SYT1: variants seen among roughly 807,000 people sequenced by gnomAD.
SYT1 encodes the protein synaptotagmin-1.
Under a neutral mutation model 44.8 loss-of-function variants are expected in SYT1, and 8 were observed. The ratio of observed to expected loss-of-function variants is 0.18; its 90% confidence interval spans 0.10 to 0.32. The LOEUF (loss-of-function observed/expected upper bound fraction) is 0.32, where lower values mean the gene tolerates loss of function less well. Among genes scored for constraint, SYT1 ranks in the 10% least tolerant of loss-of-function variants. The pLI is 1.00. For missense variants in SYT1, 286 were observed against 509.3 expected (o/e 0.56, Z 4.22); for synonymous variants, 154 against 188.8 (o/e 0.82, Z 1.51).
At chr12:79,033,729 A>G (rs1469413616) in intron 2 of SYT1, among the ~76,000 whole-genome samples, 3 of 151,382 alleles carry the variant, frequency 2.0e-5, no homozygotes, top group African/African-American at 7.3e-5. Context: ...AATTTTTAAA[A>G]ATTTTACTTC....
intron 6 of SYT1, among the ~76,000 whole-genome samples, chr12:79,294,669 T>TTATA (rs1363360039): frequency 6.6e-6 from 1 of 152,116 alleles, no homozygotes; most frequent in East Asian, 1.9e-4. Flanking sequence ...AGAAAATTGG[T>TTATA]TATAAAAAGT....
intron 3 of SYT1, among the ~76,000 whole-genome samples, chr12:79,159,493 C>T (rs537331387): frequency 1.3e-5 from 2 of 152,108 alleles, no homozygotes; most frequent in Admixed American, 1.3e-4. Context: ...GAGAGATAGA[C>T]CATGTTCATG....
At chr12:79,142,277 C>T (rs566929373) in intron 3 of SYT1, among the ~76,000 whole-genome samples, 1 of 152,314 alleles carries the variant, frequency 6.6e-6, no homozygotes, top group South Asian at 2.1e-4. Flanking sequence ...AGCGTCTCAC[C>T]TTCACTACTA....
chr12:79,041,279 T>C (rs940616360), intron 2 of SYT1, among the ~76,000 whole-genome samples: 90 of 152,306 alleles, frequency 5.9e-4, no homozygotes, highest in African/African-American at 2.0e-3. Flanking sequence ...TTCCATTTGT[T>C]TGTATCCTCT....
chr12:79,015,812 A>C (rs1871769132), intron 2 of SYT1, among the ~76,000 whole-genome samples: 1 of 152,144 alleles, frequency 6.6e-6, no homozygotes, highest in Admixed American at 6.6e-5. Context: ...TATTTAATGT[A>C]TTCTGCTAGT....
intron 2 of SYT1, among the ~76,000 whole-genome samples, chr12:79,028,953 G>C (rs1020526959): frequency 1.2e-4 from 18 of 151,212 alleles, no homozygotes; most frequent in African/African-American, 4.4e-4. Context: ...AATATTCTAA[G>C]AGCATTATTT....
chr12:79,421,245 C>G (rs1280395081), intron 9 of SYT1, among the ~76,000 whole-genome samples: 1 of 152,084 alleles, frequency 6.6e-6, no homozygotes, highest in Non-Finnish European at 1.5e-5. Context: ...GAATTGATTG[C>G]TATTTTGAGT....
intron 8 of SYT1, among the ~76,000 whole-genome samples, chr12:79,350,844 G>A (rs1882867976): frequency 1.3e-5 from 2 of 152,158 alleles, no homozygotes; most frequent in South Asian, 4.1e-4. Flanking sequence ...TTCTGGAAAT[G>A]AGTTTTTCTC....
rs931258939 is a variant in SYT1 at position 79,000,291 on chromosome 12, T to G, written c.-84+22360T>G. ...TTTAGAATTGCCTTAACTGCTTCTT[T>G]TTTTTTTTTTTTTTTTTTTGTGACA... On this transcript the variant is annotated intron_variant, in intron 2 of 10. Coordinates refer to ENST00000261205, the MANE Select transcript of SYT1 (RefSeq NM_005639.3). 6.3e-5 allele frequency among the ~76,000 whole-genome samples: 8 copies of G among 127,330 alleles called. No homozygotes were observed. The East Asian group carries it at 1.9e-3, about 30-fold the overall frequency. The allele number at this position is 127,330 out of a possible 152,430, so 83.5% of individuals were successfully genotyped here. A position where few individuals can be genotyped will look rare whatever the true frequency, so the allele number is the denominator to read the frequency against.
chr12:79,449,121 G>A lies in SYT1; in HGVS notation c.1266G>A (p.Lys422=). The change falls in exon 11 of 11, where the codon AAG becomes AAA. Residue 422 remains lysine (K), a synonymous_variant. Coordinates refer to ENST00000261205, the MANE Select transcript of SYT1 (RefSeq NM_005639.3). ...EEVDAMLAVK[K] is the part of the protein sequence containing the mutation. Reference sequence around the variant, plus strand: ...TTGATGCCATGCTGGCCGTCAAGAAGTAAAGGAAAGAAGAAGCCTTTCTGC... The same window carrying A: ...TTGATGCCATGCTGGCCGTCAAGAAATAAAGGAAAGAAGAAGCCTTTCTGC... 3 of 1,605,552 alleles carry A rather than the reference G, an allele frequency of 1.9e-6. No individual in the cohort carries two copies. The highest frequency in any genetic ancestry group is 2.6e-6 in the Non-Finnish European group (3 of 1,175,400).
intron 2 of SYT1, among the ~76,000 whole-genome samples, chr12:79,001,763 G>A (rs1227205511): frequency 1.3e-5 from 2 of 152,170 alleles, no homozygotes; most frequent in Admixed American, 6.5e-5. Context: ...TCAAAGTGAT[G>A]CAGATTTTAA....
intron 2 of SYT1, among the ~76,000 whole-genome samples, chr12:78,996,592 C>T (rs545439048): frequency 6.6e-6 from 1 of 152,296 alleles, no homozygotes; most frequent in Admixed American, 6.5e-5. Flanking sequence ...CACATTGACA[C>T]TGTTACCTAT....
chr12:79,274,143 G>A (rs1878584184), intron 4 of SYT1, among the ~76,000 whole-genome samples: 1 of 152,216 alleles, frequency 6.6e-6, no homozygotes, highest in Non-Finnish European at 1.5e-5. Context: ...CTAATCTCAA[G>A]TGGGGATGAA....
chr12:79,040,588 A>T (rs1339838433), intron 2 of SYT1, among the ~76,000 whole-genome samples: 1 of 151,860 alleles, frequency 6.6e-6, no homozygotes, highest in Non-Finnish European at 1.5e-5. Flanking sequence ...GTTCACTCTG[A>T]TGGTAGTTTC....
intron 8 of SYT1, among the ~76,000 whole-genome samples, chr12:79,300,789 T>TTATATATATATATATATA (rs56934430): frequency 1.5e-3 from 134 of 89,558 alleles, no homozygotes; most frequent in Non-Finnish European, 2.2e-3. Context: ...TGTATACTTA[T>TTATATATATATATATATA]TATATATATA....
chr12:79,373,613 C>T (rs1353680365), intron 9 of SYT1, among the ~76,000 whole-genome samples: 2 of 152,086 alleles, frequency 1.3e-5, no homozygotes, highest in African/African-American at 2.4e-5. Flanking sequence ...AAAAAAATGC[C>T]TCACAAATGC....
intron 9 of SYT1, among the ~76,000 whole-genome samples, chr12:79,383,604 T>C (rs2136077669): frequency 6.6e-6 from 1 of 152,312 alleles, no homozygotes; most frequent in African/African-American, 2.4e-5. Context: ...TTTGTTGTTG[T>C]CCCTTGCAGA....
chr12:79,193,772 G>T (rs1424198411), intron 3 of SYT1, among the ~76,000 whole-genome samples: 1 of 152,040 alleles, frequency 6.6e-6, no homozygotes, highest in African/African-American at 2.4e-5. Context: ...TTCAATACAT[G>T]AAAAATGGAT....
chr12:79,065,805 G>T (rs1362872069), intron 3 of SYT1, among the ~76,000 whole-genome samples: 3 of 152,056 alleles, frequency 2.0e-5, no homozygotes, highest in African/African-American at 7.2e-5. Flanking sequence ...GCGCACAGAA[G>T]ATACTGTGTG....
Sources: allele counts gnomAD v4.1 joint callset (sites outside exome capture counted in the v4.1 genomes callset), GRCh38; gene constraint gnomAD v4.1.1; transcripts MANE v1.5; gene names NCBI Gene and HGNC (gene_info 2026-07-23, HGNC 2026-07-21).